OPRM1: variants seen among roughly 807,000 people sequenced by gnomAD.
OPRM1 encodes opioid receptor mu 1, also known as mu-type opioid receptor.
In OPRM1, 27 loss-of-function variants were observed where a neutral mutation model predicts 31.8. The observed-to-expected ratio is 0.85, with a 90% CI of 0.63 to 1.17. The LOEUF (loss-of-function observed/expected upper bound fraction) is 1.17, where lower values mean the gene tolerates loss of function less well. OPRM1 is among the 50% of genes most tolerant of loss of function. The pLI, the probability that OPRM1 is intolerant of heterozygous loss-of-function variation, is 0.00. For missense variants in OPRM1, 536 were observed against 511.1 expected, an observed-to-expected ratio of 1.05 and a Z score of -0.47; for synonymous variants, 196 against 189.9, an observed-to-expected ratio of 1.03 and a Z score of -0.26.
intron 3 of OPRM1, among the ~76,000 whole-genome samples, chr6:154,185,270 G>A (rs1801239185): frequency 6.6e-6 from 1 of 152,228 alleles, no homozygotes; most frequent in African/African-American, 2.4e-5. Context: ...AGCAGCTATA[G>A]ACATGGAGCT....
At chr6:154,081,616 G>T (rs1418313243) in intron 1 of OPRM1, among the ~76,000 whole-genome samples, 2 of 152,230 alleles carry the variant, frequency 1.3e-5, no homozygotes, top group Admixed American at 1.3e-4. Context: ...ACGAGAAAAT[G>T]TCTCAAGATT....
intron 1 of OPRM1, among the ~76,000 whole-genome samples, chr6:154,017,629 AC>A (rs978915318): frequency 6.6e-6 from 1 of 152,122 alleles, no homozygotes; most frequent in Non-Finnish European, 1.5e-5. Flanking sequence ...TATTGTTCAT[AC>A]CCATAAGTTA....
chr6:154,112,802 T>C (rs908205593), intron 3 of OPRM1, among the ~76,000 whole-genome samples: 2 of 152,162 alleles, frequency 1.3e-5, no homozygotes, highest in Non-Finnish European at 2.9e-5. Flanking sequence ...ATTAGACATA[T>C]TGACAAGGAC....
rs1554275362 is a variant in OPRM1 at position 154,100,065 on chromosome 6, C to CATGATATATATCAT, written c.1164+8596_1164+8609dup. Among the ~76,000 whole-genome samples the CATGATATATATCAT allele has an allele frequency of 2.0e-3, 259 of 129,420 alleles. 9 individuals carry two copies. The highest frequency in any genetic ancestry group is 7.0e-3 in the Middle Eastern group (1 of 142). The allele number at this position is 129,420 out of a possible 152,430, so 84.9% of individuals were successfully genotyped here. A position where few individuals can be genotyped will look rare whatever the true frequency, so the allele number is the denominator to read the frequency against. ...ATGATATATATCATATGATATATAT[C>CATGATATATATCAT]ATGATATATATCATATTATATATTA... On this transcript the variant is annotated intron_variant, in intron 3 of 3. Coordinates refer to ENST00000330432, the MANE Select transcript of OPRM1 (RefSeq NM_000914.5).
In OPRM1 at chr6:154,109,016, ACCTG is replaced by A. The variant is rs1044813564; in HGVS notation, c.1165-9666_1165-9663del. 4.1e-6 allele frequency: 4 copies of A among 985,090 alleles called. No individual in the cohort carries two copies. In the African/African-American group the frequency reaches 7.0e-5, roughly 17 times the overall value. The allele number at this position is 985,090 out of a possible 1,614,324, so 61.0% of individuals were successfully genotyped here. Reference sequence around the variant, plus strand: ...GCAATATGATGATAAAAGCCATCTAACCTGTTGGAATTATAGGTCACATCAAGAG... The same window carrying A: ...GCAATATGATGATAAAAGCCATCTAATTGGAATTATAGGTCACATCAAGAG... On this transcript the variant is annotated intron_variant, in intron 3 of 3. Coordinates refer to ENST00000330432, the MANE Select transcript of OPRM1 (RefSeq NM_000914.5).
intron 3 of OPRM1, among the ~76,000 whole-genome samples, chr6:154,238,656 A>C (rs1780334213): frequency 1.3e-5 from 2 of 151,482 alleles, no homozygotes; most frequent in South Asian, 4.2e-4. Context: ...TCTATTTTCA[A>C]ATTTTTCCTA....
chr6:154,204,619 G>A (rs1334079459), intron 3 of OPRM1, among the ~76,000 whole-genome samples: 2 of 151,888 alleles, frequency 1.3e-5, no homozygotes, highest in African/African-American at 2.4e-5. Flanking sequence ...TGTGCTGACC[G>A]AAGATCTACT....
At chr6:154,100,360 G>T (rs1794652395) in intron 3 of OPRM1, among the ~76,000 whole-genome samples, 1 of 150,770 alleles carries the variant, frequency 6.6e-6, no homozygotes. Flanking sequence ...TGTGCTAAAG[G>T]AATACACCCA....
chr6:154,037,878 T>C (rs931803298), upstream of OPRM1, among the ~76,000 whole-genome samples: 1 of 152,158 alleles, frequency 6.6e-6, no homozygotes, highest in Non-Finnish European at 1.5e-5. Flanking sequence ...TTATACTGTG[T>C]CTTGTCTTCC....
chr6:154,080,049 A>G (rs73790421), intron 1 of OPRM1, among the ~76,000 whole-genome samples: 1,774 of 152,246 alleles, frequency 0.012, 37 homozygotes, highest in African/African-American at 0.041. Flanking sequence ...GTTAATGAAA[A>G]ATTTATTTAT....
intron 3 of OPRM1, among the ~76,000 whole-genome samples, chr6:154,176,390 T>G (rs1800333533): frequency 6.6e-6 from 1 of 152,204 alleles, no homozygotes; most frequent in Non-Finnish European, 1.5e-5. Context: ...ATTGTCTTTG[T>G]TTGTGGATCA....
intron 1 of OPRM1, among the ~76,000 whole-genome samples, chr6:154,054,310 A>G (rs150415889): frequency 0.021 from 2,961 of 142,068 alleles, 101 homozygotes; most frequent in African/African-American, 0.07. Context: ...CGGAGCTTGT[A>G]GTGAGCTGAA....
upstream of OPRM1, among the ~76,000 whole-genome samples, chr6:154,035,687 A>C (rs915612409): frequency 2.6e-5 from 4 of 152,152 alleles, no homozygotes; most frequent in Non-Finnish European, 5.9e-5. Flanking sequence ...TAACTAAGCC[A>C]ATAGATGTTG....
At chr6:154,085,864 A>C (rs1790410332) in intron 1 of OPRM1, among the ~76,000 whole-genome samples, 2 of 149,246 alleles carry the variant, frequency 1.3e-5, no homozygotes, top group Admixed American at 1.3e-4. Context: ...ATGCCACCAC[A>C]TCAGAACAGA....
intron 3 of OPRM1, among the ~76,000 whole-genome samples, chr6:154,172,016 C>A (rs1232211008): frequency 6.6e-6 from 1 of 152,152 alleles, no homozygotes; most frequent in Admixed American, 6.5e-5. Context: ...AGAATGGTTT[C>A]TTTACATTTC....
intron 3 of OPRM1, among the ~76,000 whole-genome samples, chr6:154,238,255 AT>A (rs1484462319): frequency 1.3e-5 from 2 of 151,910 alleles, no homozygotes; most frequent in East Asian, 3.9e-4. Context: ...AGGAACCTTT[AT>A]TTATTTATTT....
chr6:154,016,193 A>C (rs1777994726), intron 1 of OPRM1, among the ~76,000 whole-genome samples: 1 of 152,170 alleles, frequency 6.6e-6, no homozygotes, highest in African/African-American at 2.4e-5. Context: ...TCAGAGAACA[A>C]CTCAAATGTT....
intron 3 of OPRM1, among the ~76,000 whole-genome samples, chr6:154,228,283 T>C (rs1195087061): frequency 2.7e-5 from 4 of 147,262 alleles, no homozygotes; most frequent in Non-Finnish European, 5.9e-5. Context: ...CCAGACAACA[T>C]AGGCAGACCT....
intron 1 of OPRM1, among the ~76,000 whole-genome samples, chr6:154,015,806 G>C (rs1473824453): frequency 6.6e-6 from 1 of 151,520 alleles, no homozygotes; most frequent in Non-Finnish European, 1.5e-5. Flanking sequence ...TTTTAAACAG[G>C]ACAGAAAATT....
Sources: allele counts gnomAD v4.1 joint callset (sites outside exome capture counted in the v4.1 genomes callset), GRCh38; gene constraint gnomAD v4.1.1; transcripts MANE v1.5; gene names NCBI Gene and HGNC (gene_info 2026-07-23, HGNC 2026-07-21).